BRD10: variants seen among roughly 807,000 people sequenced by gnomAD.
BRD10 encodes the protein bromodomain containing 10.
At chr9:5,888,387 A>T in the BRD10 span, among the ~76,000 whole-genome samples, 1 of 152,220 alleles carries the variant, frequency 6.6e-6, no homozygotes, top group Non-Finnish European at 1.5e-5. Context: ...TGGTTATGTT[A>T]TACATCATTT....
At chr9:6,006,506 G>C in the BRD10 span, among the ~76,000 whole-genome samples, 1 of 152,122 alleles carries the variant, frequency 6.6e-6, no homozygotes, top group African/African-American at 2.4e-5. Flanking sequence ...TAAATAATTG[G>C]ATATATGGGT....
chr9:5,922,448 C>G, the BRD10 span: 92 of 1,613,824 alleles, frequency 5.7e-5, no homozygotes, highest in Non-Finnish European at 7.5e-5. Context: ...AGGCTGTGGT[C>G]TAGCACTACT....
the BRD10 span, chr9:5,892,520 G>T: frequency 6.2e-7 from 1 of 1,613,716 alleles, no homozygotes; most frequent in South Asian, 1.1e-5. Context: ...CCCCAAGAAG[G>T]GGCACGGCCA....
At chr9:5,999,693 T>C in the BRD10 span, among the ~76,000 whole-genome samples, 1 of 152,186 alleles carries the variant, frequency 6.6e-6, no homozygotes, top group Non-Finnish European at 1.5e-5. Flanking sequence ...GGCCATTCCC[T>C]AGCTACACAC....
the BRD10 span, among the ~76,000 whole-genome samples, chr9:5,884,892 C>T: frequency 6.6e-6 from 1 of 152,194 alleles, no homozygotes; most frequent in Admixed American, 6.5e-5. Context: ...AGACTTCAGC[C>T]AGCTCTGTGC....
the BRD10 span, among the ~76,000 whole-genome samples, chr9:5,978,703 A>G: frequency 6.6e-6 from 1 of 152,138 alleles, no homozygotes; most frequent in Non-Finnish European, 1.5e-5. Context: ...AACAAGCCCA[A>G]CCACACTTAG....
chr9:5,890,645 G>A, the BRD10 span, among the ~76,000 whole-genome samples: 1 of 152,138 alleles, frequency 6.6e-6, no homozygotes, highest in African/African-American at 2.4e-5. Flanking sequence ...ATGTGACATG[G>A]CAATCCTATG....
chr9:5,940,776 G>C, the BRD10 span, among the ~76,000 whole-genome samples: 1 of 152,060 alleles, frequency 6.6e-6, no homozygotes, highest in Non-Finnish European at 1.5e-5. Context: ...TGCTCAATAT[G>C]TATAGCTTTC....
the BRD10 span, among the ~76,000 whole-genome samples, chr9:5,886,156 G>T: frequency 6.6e-6 from 1 of 152,212 alleles, no homozygotes; most frequent in African/African-American, 2.4e-5. Flanking sequence ...GGGGAGCACT[G>T]AAGAGGGCCT....
chr9:5,913,012 G>T, the BRD10 span, among the ~76,000 whole-genome samples: 1 of 152,218 alleles, frequency 6.6e-6, no homozygotes, highest in Non-Finnish European at 1.5e-5. Context: ...CAGTGGTGGT[G>T]ACTGATGCTT....
the BRD10 span, among the ~76,000 whole-genome samples, chr9:5,984,053 T>G: frequency 7.2e-6 from 1 of 139,080 alleles, no homozygotes; most frequent in South Asian, 2.3e-4. Flanking sequence ...ACTTTTTCAG[T>G]CAAAAAAAAA....
chr9:6,005,960 A>G, the BRD10 span, among the ~76,000 whole-genome samples: 1 of 152,232 alleles, frequency 6.6e-6, no homozygotes, highest in African/African-American at 2.4e-5. Flanking sequence ...GTTTTTGGTG[A>G]AAAAAATCAC....
chr9:5,920,760 C>A, the BRD10 span: 14 of 1,613,878 alleles, frequency 8.7e-6, no homozygotes, highest in East Asian at 2.2e-4. Flanking sequence ...GGTAAGGCAA[C>A]CGTAACAGGA....
the BRD10 span, among the ~76,000 whole-genome samples, chr9:6,005,743 TTA>T: frequency 6.6e-6 from 1 of 152,178 alleles, no homozygotes; most frequent in Non-Finnish European, 1.5e-5. Context: ...GGATTGTTTT[TTA>T]TGTGAGTCAC....
At chr9:5,982,166 T>C in the BRD10 span, among the ~76,000 whole-genome samples, 51 of 152,320 alleles carry the variant, frequency 3.3e-4, no homozygotes, top group Non-Finnish European at 5.9e-4. Flanking sequence ...ACATTAAAAA[T>C]GCATGGAAAT....
the BRD10 span, among the ~76,000 whole-genome samples, chr9:5,888,570 A>T: frequency 6.6e-6 from 1 of 152,214 alleles, no homozygotes; most frequent in African/African-American, 2.4e-5. Context: ...TCGACAATGC[A>T]TTTGGCCCTG....
chr9:5,892,807 T>C, the BRD10 span, among the ~76,000 whole-genome samples: 3 of 152,200 alleles, frequency 2.0e-5, no homozygotes, highest in Non-Finnish European at 2.9e-5. Flanking sequence ...CTTTTGACTA[T>C]TGGGTCTTAT....
the BRD10 span, among the ~76,000 whole-genome samples, chr9:5,984,319 C>A: frequency 6.6e-6 from 1 of 152,046 alleles, no homozygotes; most frequent in Non-Finnish European, 1.5e-5. Context: ...CATACGACAA[C>A]AGCACAAAGA....
chr9:5,945,669 G>C, the BRD10 span, among the ~76,000 whole-genome samples: 1 of 151,910 alleles, frequency 6.6e-6, no homozygotes. Flanking sequence ...TAAAGTTTTA[G>C]TGAACTGTCA....
Sources: allele counts gnomAD v4.1 joint callset (sites outside exome capture counted in the v4.1 genomes callset), GRCh38; gene constraint gnomAD v4.1.1; transcripts MANE v1.5; gene names NCBI Gene and HGNC (gene_info 2026-07-23, HGNC 2026-07-21).